Variants in COLGALT2 observed in about 807,000 individuals in gnomAD.
COLGALT2 encodes procollagen galactosyltransferase 2.
Under a neutral mutation model 73.4 loss-of-function variants are expected in COLGALT2, and 49 were observed. The observed-to-expected ratio is 0.67, with a 90% CI of 0.53 to 0.85. The LOEUF is 0.85. Among genes scored for constraint, COLGALT2 ranks in the 40% least tolerant of loss-of-function variants. The probability of loss-of-function intolerance (pLI) is 0.00; values close to 1 mark genes in which losing one functional copy is unlikely to be tolerated. For synonymous variants in COLGALT2, 295 were observed against 307.6 expected (o/e 0.96, Z 0.43); for missense variants, 722 against 790.2 (o/e 0.91, Z 1.03).
At position 183,938,733 on chromosome 1, in the gene COLGALT2, T is replaced by C; in HGVS notation, c.*28A>G. The C allele has an allele frequency of 6.2e-7, 1 of 1,609,440 alleles. No homozygotes were observed. The highest frequency in any genetic ancestry group is 8.5e-7 in the Non-Finnish European group (1 of 1,177,132). ...TTAGAAAAACCAGAGGATGTTGAAC[T>C]GATGTGGGCCACACTCCCAGGGAGC... On this transcript the variant is annotated 3_prime_UTR_variant, in exon 12 of 12. Coordinates refer to ENST00000361927, the MANE Select transcript of COLGALT2 (RefSeq NM_015101.4).
chr1:184,000,701 C>A (rs1671896162), intron 1 of COLGALT2, among the ~76,000 whole-genome samples: 1 of 151,832 alleles, frequency 6.6e-6, no homozygotes, highest in African/African-American at 2.4e-5. Flanking sequence ...TTAGGTGATT[C>A]TTTACCTACT....
At chr1:183,995,534 T>C (rs977659356) in intron 1 of COLGALT2, among the ~76,000 whole-genome samples, 1 of 152,230 alleles carries the variant, frequency 6.6e-6, no homozygotes, top group African/African-American at 2.4e-5. Flanking sequence ...CAGGACATTC[T>C]GCCAGTGGAG....
Position 183,938,881 on chromosome 1 carries a change from C to T in COLGALT2, c.1761G>A (p.Trp587Ter). 1 of 1,614,124 alleles carries T rather than the reference C, an allele frequency of 6.2e-7. No homozygotes were observed. The highest frequency in any genetic ancestry group is 8.5e-7 in the Non-Finnish European group (1 of 1,180,028). Reference sequence around the variant, plus strand: ...GGGACTTCCAGGCATGTGTCCTATCCCAGTCGGTGGCCACTGTCTCATTGT... The same window carrying T: ...GGGACTTCCAGGCATGTGTCCTATCTCAGTCGGTGGCCACTGTCTCATTGT... ...IWDNETVATD[W>*]DRTHAWKSRK... The change falls in exon 12 of 12, where the codon TGG becomes TGA. Residue 587 changes from tryptophan (W) to a stop codon, truncating the protein, a stop_gained. Transcript: ENST00000361927. LOFTEE classifies it high-confidence loss of function.
At chr1:183,999,254 G>C (rs949331574) in intron 1 of COLGALT2, among the ~76,000 whole-genome samples, 1 of 152,008 alleles carries the variant, frequency 6.6e-6, no homozygotes, top group Non-Finnish European at 1.5e-5. Context: ...TTGTCGATAT[G>C]ATAAAATGCA....
intron 1 of COLGALT2, among the ~76,000 whole-genome samples, chr1:184,013,013 G>C (rs1648861077): frequency 6.6e-6 from 1 of 152,192 alleles, no homozygotes; most frequent in African/African-American, 2.4e-5. Context: ...ATTAAGAATA[G>C]TTATAAGAGT....
At chr1:183,944,406 C>T (rs17504460) in intron 9 of COLGALT2, 83 bp from the exon 10 acceptor site, 303,400 of 1,462,248 alleles carry the variant, frequency 0.21, 32,584 homozygotes, top group Non-Finnish European at 0.22. Context: ...TAAAAAGTCA[C>T]GAGTCTAGTA....
At chr1:183,944,120 G>C in intron 10 of COLGALT2, 76 bp downstream of exon 10, 1 of 1,462,826 alleles carries the variant, frequency 6.8e-7, no homozygotes, top group South Asian at 1.4e-5. Context: ...ACTGGCTGTG[G>C]AGGTGGGGCT....
chr1:183,963,798 C>A, intron 6 of COLGALT2, 103 bp downstream of exon 6: 3 of 1,260,622 alleles, frequency 2.4e-6, no homozygotes, highest in Non-Finnish European at 3.2e-6. Context: ...CCAGGGGAGA[C>A]TGATGGCTGT....
chr1:184,021,657 A>G (rs78472131), intron 1 of COLGALT2, among the ~76,000 whole-genome samples: 5,029 of 152,278 alleles, frequency 0.033, 263 homozygotes, highest in African/African-American at 0.11. Flanking sequence ...GTGGTATTCT[A>G]TTATAGCAGC....
At chr1:183,950,889 T>C (rs911974167) in intron 8 of COLGALT2, 118 bp downstream of exon 8, 4 of 713,780 alleles carry the variant, frequency 5.6e-6, no homozygotes, top group African/African-American at 3.5e-5. Context: ...GTTTTGAAAA[T>C]AAGACTATCC....
chr1:183,963,635 T>C (rs904920005), intron 6 of COLGALT2, among the ~76,000 whole-genome samples: 1 of 152,204 alleles, frequency 6.6e-6, no homozygotes, highest in Non-Finnish European at 1.5e-5. Flanking sequence ...AACACTATTA[T>C]AGCACTTATC....
chr1:184,008,601 A>G (rs10911489), intron 1 of COLGALT2, among the ~76,000 whole-genome samples: 28,991 of 152,040 alleles, frequency 0.19, 4,947 homozygotes, highest in African/African-American at 0.46. Context: ...TTGGTGGTGC[A>G]TGCTTGTAGT....
chr1:183,963,111 A>G (rs1474657562), intron 6 of COLGALT2, among the ~76,000 whole-genome samples: 1 of 152,226 alleles, frequency 6.6e-6, no homozygotes, highest in African/African-American at 2.4e-5. Context: ...TACATCACAC[A>G]TAATAAAAAG....
chr1:184,005,860 G>A (rs1672059499), intron 1 of COLGALT2, among the ~76,000 whole-genome samples: 1 of 152,162 alleles, frequency 6.6e-6, no homozygotes, highest in Non-Finnish European at 1.5e-5. Context: ...GTTATTGGAT[G>A]GATGAGAATG....
At chr1:183,974,956 T>C (rs559839197) in intron 3 of COLGALT2, 141 bp downstream of exon 3, 7 of 614,762 alleles carry the variant, frequency 1.1e-5, no homozygotes, top group East Asian at 5.3e-5. Flanking sequence ...AAAAATTTCA[T>C]TGTGCCTTTC....
Position 183,990,790 on chromosome 1 carries a change from C to T in COLGALT2, c.264-12270G>A, listed in dbSNP as rs147916911. On this transcript the variant is annotated intron_variant, in intron 1 of 11. Transcript: ENST00000361927. ...GGCTAGGACTTACAAGCCAAGAGGG[C>T]GAGATGGCTGTAAGGTGTTAGGGCT... Among the ~76,000 whole-genome samples, 725 of 152,256 alleles carry T rather than the reference C, an allele frequency of 4.8e-3. 4 individuals are homozygous for T. Among genetic ancestry groups the T allele is most frequent in the African/African-American group, 0.016 (683 of 41,546 alleles).
intron 4 of COLGALT2, among the ~76,000 whole-genome samples, chr1:183,973,252 G>A (rs1671098642): frequency 6.6e-6 from 1 of 152,104 alleles, no homozygotes; most frequent in East Asian, 1.9e-4. Flanking sequence ...CATCTGTCTT[G>A]TTGGTTTTCT....
intron 1 of COLGALT2, among the ~76,000 whole-genome samples, chr1:184,005,346 T>C (rs2102842324): frequency 6.6e-6 from 1 of 152,362 alleles, no homozygotes; most frequent in Middle Eastern, 3.4e-3. Context: ...TCATGTGAAC[T>C]GGTTGTCTTA....
intron 7 of COLGALT2, 117 bp from the exon 8 acceptor site, chr1:183,951,230 C>T (rs1558312039): frequency 1.4e-6 from 1 of 716,474 alleles, no homozygotes; most frequent in South Asian, 1.7e-5. Flanking sequence ...ATAGGAAGAA[C>T]TGTCGTGAAA....
Sources: allele counts gnomAD v4.1 joint callset (sites outside exome capture counted in the v4.1 genomes callset), GRCh38; gene constraint gnomAD v4.1.1; transcripts MANE v1.5; gene names NCBI Gene and HGNC (gene_info 2026-07-23, HGNC 2026-07-21).